ZNF417: variants seen among roughly 807,000 people sequenced by gnomAD.
ZNF417 encodes the protein zinc finger protein 417.
In ZNF417, 5 loss-of-function variants were observed where a neutral mutation model predicts 7.4. The ratio of observed to expected loss-of-function variants is 0.68; its 90% CI spans 0.35 to 1.43. The LOEUF (loss-of-function observed/expected upper bound fraction) is 1.43. ZNF417 is among the 40% of genes most tolerant of loss of function. The pLI, the probability that ZNF417 is intolerant of heterozygous loss-of-function variation, is 0.04. For synonymous variants in ZNF417, 147 were observed against 239.1 expected, an observed-to-expected ratio of 0.61 and a Z score of 3.55; for missense variants, 437 against 697.3, an observed-to-expected ratio of 0.63 and a Z score of 4.20.
intron 1 of ZNF417, among the ~76,000 whole-genome samples, chr19:57,914,428 G>C (rs1177044674): frequency 7.7e-6 from 1 of 130,614 alleles, no homozygotes; most frequent in African/African-American, 2.9e-5. Flanking sequence ...AGAGGTTCCA[G>C]TGAGCCAAGA....
At chr19:57,916,032 T>G (rs1343852289) in intron 1 of ZNF417, among the ~76,000 whole-genome samples, 1 of 152,184 alleles carries the variant, frequency 6.6e-6, no homozygotes, top group East Asian at 1.9e-4. Context: ...ACCGCCAAAT[T>G]AATGTTGAAA....
In ZNF417 at chr19:57,905,973, T is replaced by C. The variant is rs1219922206; in HGVS notation, c.*2577A>G. Among the ~76,000 whole-genome samples, 1 of 140,084 alleles carries C rather than the reference T, an allele frequency of 7.1e-6. No homozygotes were observed. The highest frequency in any genetic ancestry group is 2.5e-5 in the African/African-American group (1 of 39,872). The allele number at this position is 140,084 out of a possible 152,430, so 91.9% of individuals were successfully genotyped here. A position where few individuals can be genotyped will look rare whatever the true frequency, so the allele number is the denominator to read the frequency against. ...ACTGTAGTTTATGAAGAAAAAAGTT[T>C]TGTTTTTTTTGAGGCAGGGCCTTGC... On this transcript the variant is annotated 3_prime_UTR_variant, in exon 3 of 3. Transcript: ENST00000312026.
In ZNF417 at chr19:57,905,918, T is replaced by A. The variant is rs2071821261; in HGVS notation, c.*2632A>T. On this transcript the variant is annotated 3_prime_UTR_variant, in exon 3 of 3. Transcript: ENST00000312026. ...GACAAGAGCCTGCAGAGACTAAAAT[T>A]GCTTAGTACTGAAAGTTTTGCCTAT... is the stretch of plus-strand genomic sequence containing the variant. Among the ~76,000 whole-genome samples the A allele has an allele frequency of 6.6e-6, 1 of 152,204 alleles. No homozygotes were observed. The highest frequency in any genetic ancestry group is 1.5e-5 in the Non-Finnish European group (1 of 68,044).
rs745711006 is a variant in ZNF417, at chr19:57,909,016, G to A, written c.1262C>T (p.Ser421Phe). ...KECGKSFRYR[S>F]HLTEHQRLHT... The stretch of plus-strand genomic sequence containing the variant: ...AAGTCTCTGGTGTTCAGTGAGGTGG[G>A]ATCTGTACCTAAATGATTTCCCACA... Residue 421 changes from serine (S) to phenylalanine (F), a missense_variant, in exon 3 of 3, where the codon TCC becomes TTC. Coordinates refer to ENST00000312026, the MANE Select transcript of ZNF417 (RefSeq NM_152475.3). The A allele has an allele frequency of 6.2e-7, 1 of 1,611,640 alleles. No individual in the cohort carries two copies. Among genetic ancestry groups the A allele is most frequent in the African/African-American group, 1.3e-5 (1 of 74,854 alleles).
At chr19:57,913,547 G>A (rs1300906547) in intron 1 of ZNF417, among the ~76,000 whole-genome samples, 1 of 152,166 alleles carries the variant, frequency 6.6e-6, no homozygotes, top group Non-Finnish European at 1.5e-5. Flanking sequence ...CAAGCTGAAT[G>A]AAACTCTCCA....
rs1394297842 is a variant in ZNF417 at position 57,908,205 on chromosome 19, A to G, written c.*345T>C. On this transcript the variant is annotated 3_prime_UTR_variant, in exon 3 of 3. Transcript: ENST00000312026. ...CACTTGGGGACACTTATGATTCCAC[A>G]TGAAGTGGATAACCAGCTCATAGCT... 5.8e-6 allele frequency: 2 copies of G among 345,298 alleles called. No individual in the cohort carries two copies. Among genetic ancestry groups the G allele is most frequent in the Middle Eastern group, 9.0e-4 (1 of 1,108 alleles). 21.4% of individuals were successfully genotyped at this position (345,298 alleles called of 1,614,324 possible). A position where few individuals can be genotyped will look rare whatever the true frequency, so the allele number is the denominator to read the frequency against.
In ZNF417 at chr19:57,907,838, G is replaced by A. The variant is rs2071849208; in HGVS notation, c.*712C>T. On this transcript the variant is annotated 3_prime_UTR_variant, in exon 3 of 3. Coordinates refer to ENST00000312026, the MANE Select transcript of ZNF417 (RefSeq NM_152475.3). ...GACTGGAGATTATCTCCAGAAAAGA[G>A]CTTGGAGTGAGGAAATTAGTTAATG... The A allele has an allele frequency of 2.0e-5, 3 of 153,094 alleles. No homozygotes were observed. In the South Asian group the frequency reaches 6.2e-4, roughly 32 times the overall value. 9.5% of individuals were successfully genotyped at this position (153,094 alleles called of 1,614,324 possible). A position where few individuals can be genotyped will look rare whatever the true frequency, so the allele number is the denominator to read the frequency against.
chr19:57,915,365 A>G, intron 1 of ZNF417: 1 of 264,778 alleles, frequency 3.8e-6, no homozygotes, highest in East Asian at 1.0e-4. Flanking sequence ...CGGCCTGCTT[A>G]CTCTTCCAGG....
chr19:57,910,343 C>T (rs970436991), intron 2 of ZNF417, among the ~76,000 whole-genome samples: 5 of 150,524 alleles, frequency 3.3e-5, no homozygotes, highest in African/African-American at 9.8e-5. Context: ...GTCAGAAGTT[C>T]GAGACCAGCG....
intron 2 of ZNF417, 83 bp downstream of exon 2, chr19:57,911,977 A>G (rs1426977781): frequency 1.5e-5 from 23 of 1,517,542 alleles, no homozygotes; most frequent in Middle Eastern, 3.5e-4. Context: ...AGGCTCCTTA[A>G]GTGAGAAAGA....
rs1320445834 is a variant in ZNF417 at position 57,909,143 on chromosome 19, G to A, written c.1135C>T (p.Pro379Ser). 3 of 1,614,120 alleles carry A rather than the reference G, an allele frequency of 1.9e-6. No homozygotes were observed. Among genetic ancestry groups the A allele is most frequent in the Middle Eastern group, 1.6e-4 (1 of 6,062 alleles). The part of the protein sequence containing the change: ...NHQRVHTGER[P>S]YKCGECGKSF... ...TTTCCACATTCTCCACACTTGTAAGGCCTTTCTCCAGTGTGAACACGCTGA... is the reference window on the plus strand; with the variant it reads ...TTTCCACATTCTCCACACTTGTAAGACCTTTCTCCAGTGTGAACACGCTGA... The change falls in exon 3 of 3, where the codon CCT becomes TCT. Residue 379 changes from proline (P) to serine (S), a missense_variant. Pro to Ser is a moderately conservative substitution (Grantham distance 74, BLOSUM62 -1). Transcript: ENST00000312026.
Position 57,909,145 on chromosome 19 carries a change from C to T in ZNF417, c.1133G>A (p.Arg378Lys), listed in dbSNP as rs1332457230. The T allele has an allele frequency of 6.2e-7, 1 of 1,614,082 alleles. No individual in the cohort carries two copies. Among genetic ancestry groups the T allele is most frequent in the Non-Finnish European group, 8.5e-7 (1 of 1,180,038 alleles). Residue 378 changes from arginine to lysine, a missense_variant, in exon 3 of 3, where the codon AGG becomes AAG. Arg to Lys is a conservative substitution (Grantham distance 26). Coordinates refer to ENST00000312026, the MANE Select transcript of ZNF417 (RefSeq NM_152475.3). The stretch of plus-strand genomic sequence containing the variant: ...TCCACATTCTCCACACTTGTAAGGC[C>T]TTTCTCCAGTGTGAACACGCTGATG... ...INHQRVHTGE[R>K]PYKCGECGKS...
intron 2 of ZNF417, among the ~76,000 whole-genome samples, chr19:57,910,771 C>T (rs1455199636): frequency 2.0e-5 from 3 of 152,080 alleles, no homozygotes; most frequent in Non-Finnish European, 2.9e-5. Flanking sequence ...GGACTGGGCG[C>T]GGTGGCTCAT....
At chr19:57,914,597 C>T (rs1202935941) in intron 1 of ZNF417, among the ~76,000 whole-genome samples, 1 of 151,798 alleles carries the variant, frequency 6.6e-6, no homozygotes, top group Non-Finnish European at 1.5e-5. Context: ...GATCCACTAA[C>T]CCTCACCTGG....
intron 2 of ZNF417, among the ~76,000 whole-genome samples, chr19:57,911,783 C>T (rs2071901002): frequency 1.3e-5 from 2 of 152,110 alleles, no homozygotes; most frequent in South Asian, 4.1e-4. Context: ...CAAGAGCTAC[C>T]GATTTGGACA....
chr19:57,913,626 A>G (rs1035838629), intron 1 of ZNF417, among the ~76,000 whole-genome samples: 1 of 152,222 alleles, frequency 6.6e-6, no homozygotes, highest in Non-Finnish European at 1.5e-5. Flanking sequence ...ACTTGGCACC[A>G]ACTCAGGCAG....
rs766058725 is a variant in ZNF417 at position 57,909,811 on chromosome 19, G to A, written c.467C>T (p.Ser156Leu). 4.4e-5 allele frequency: 66 copies of A among 1,516,162 alleles called. 3 individuals carry two copies. The highest frequency in any genetic ancestry group is 3.7e-4 in the African/African-American group (23 of 62,312). 93.9% of individuals were successfully genotyped at this position (1,516,162 alleles called of 1,614,324 possible). A position where few individuals can be genotyped will look rare whatever the true frequency, so the allele number is the denominator to read the frequency against. ...KFYRKSVREA[S>L]FVKKRKLRVS... ...CCTGAGCTTACGTTTCTTTACAAAC[G>A]ATGCTTCTCTGACACTCTTTCTGTA... The change falls in exon 3 of 3, where the codon TCG (serine) becomes TTG (leucine). Residue 156 changes from serine (S) to leucine (L), a missense_variant. Physicochemically the swap from Ser to Leu is moderately radical, Grantham distance 145 (BLOSUM62 -2). Coordinates refer to ENST00000312026, the MANE Select transcript of ZNF417 (RefSeq NM_152475.3).
At position 57,908,402 on chromosome 19, in the gene ZNF417, C is replaced by T. The variant is rs1200905916; in HGVS notation, c.*148G>A. 2.1e-6 allele frequency: 3 copies of T among 1,430,478 alleles called. No homozygotes were observed. Among genetic ancestry groups the T allele is most frequent in the Non-Finnish European group, 2.9e-6 (3 of 1,044,278 alleles). 88.6% of individuals were successfully genotyped at this position (1,430,478 alleles called of 1,614,324 possible). On this transcript the variant is annotated 3_prime_UTR_variant, in exon 3 of 3. Transcript: ENST00000312026. ...CTGGGTGACAGAATGAGACTCCGTT[C>T]CAATGCGAAGTCTCTTAAGACCAAG...
rs1226016771 is a variant in ZNF417 at position 57,906,078 on chromosome 19, C to T, written c.*2472G>A. Among the ~76,000 whole-genome samples, 1 of 152,034 alleles carries T rather than the reference C, an allele frequency of 6.6e-6. No homozygotes were observed. The highest frequency in any genetic ancestry group is 2.4e-5 in the African/African-American group (1 of 41,382). ...TTTCCGAGGAAGGCTCCTTAATTTCCCAATTATAAAGGTTTTGTGGGAACA... is the reference window on the plus strand; with the variant it reads ...TTTCCGAGGAAGGCTCCTTAATTTCTCAATTATAAAGGTTTTGTGGGAACA... On this transcript the variant is annotated 3_prime_UTR_variant, in exon 3 of 3. Coordinates refer to ENST00000312026, the MANE Select transcript of ZNF417 (RefSeq NM_152475.3).
Sources: allele counts gnomAD v4.1 joint callset (sites outside exome capture counted in the v4.1 genomes callset), GRCh38; gene constraint gnomAD v4.1.1; transcripts MANE v1.5; gene names NCBI Gene and HGNC (gene_info 2026-07-23, HGNC 2026-07-21).